ISY1: variants seen among roughly 807,000 people sequenced by gnomAD.
The protein encoded by ISY1 is pre-mRNA-splicing factor ISY1 homolog.
ISY1 carries 12 observed loss-of-function variants against 54.4 expected under a neutral mutation model. The ratio of observed to expected loss-of-function variants is 0.22; its 90% CI spans 0.14 to 0.36. ISY1 has a LOEUF of 0.36. Among genes scored for constraint, ISY1 ranks in the 10% least tolerant of loss-of-function variants. ISY1 has a pLI of 1.00. For missense variants in ISY1, 282 were observed against 342.2 expected, an observed-to-expected ratio of 0.82 and a Z score of 1.39; for synonymous variants, 96 against 117.9, an observed-to-expected ratio of 0.81 and a Z score of 1.20.
chr3:129,156,992 G>C (rs772099368), intron 3 of ISY1, 72 bp from the exon 4 acceptor site: 2 of 1,557,724 alleles, frequency 1.3e-6, no homozygotes, highest in East Asian at 4.5e-5. Context: ...AACTGATTCA[G>C]GCCTTAAGCC....
chr3:129,146,553 G>C (rs2107611517), intron 5 of ISY1, among the ~76,000 whole-genome samples: 1 of 152,248 alleles, frequency 6.6e-6, no homozygotes, highest in South Asian at 2.1e-4. Flanking sequence ...GATGACAACA[G>C]CAAGTCCAGA....
intron 1 of ISY1, among the ~76,000 whole-genome samples, chr3:129,159,842 A>G (rs2107623071): frequency 6.6e-6 from 1 of 152,300 alleles, no homozygotes; most frequent in African/African-American, 2.4e-5. Flanking sequence ...AGCTGTCACG[A>G]TATCTTCATG....
chr3:129,152,232 G>A (rs992758716), intron 5 of ISY1, among the ~76,000 whole-genome samples: 4 of 151,990 alleles, frequency 2.6e-5, no homozygotes, highest in Admixed American at 1.3e-4. Flanking sequence ...TTCTTATCAT[G>A]AATAAACGTC....
At chr3:129,154,594 G>T (rs1937078813) in intron 5 of ISY1, among the ~76,000 whole-genome samples, 2 of 151,750 alleles carry the variant, frequency 1.3e-5, no homozygotes, top group South Asian at 4.1e-4. Context: ...AATGTATATA[G>T]ATTCTATAGT....
At chr3:129,158,594 G>A (rs1937214327) in intron 2 of ISY1, 35 bp from the exon 3 acceptor site, 1 of 1,613,548 alleles carries the variant, frequency 6.2e-7, no homozygotes, top group African/African-American at 1.3e-5. Context: ...GACTCCATTA[G>A]ATCCTGCTCA....
chr3:129,133,465 G>A (rs546332073), intron 9 of ISY1, among the ~76,000 whole-genome samples: 9 of 152,302 alleles, frequency 5.9e-5, no homozygotes, highest in Admixed American at 5.2e-4. Flanking sequence ...GGAGGCCAAG[G>A]CAGGTGGATC....
intron 4 of ISY1, 81 bp downstream of exon 4, chr3:129,156,774 T>A (rs1284714419): frequency 2.6e-6 from 4 of 1,563,522 alleles, no homozygotes; most frequent in Non-Finnish European, 3.5e-6. Flanking sequence ...ACTTAGACTT[T>A]TGGTCTAACA....
chr3:129,130,573 C>T lies in ISY1; in HGVS notation c.727G>A (p.Val243Ile), dbSNP rs1936210144. ...ACCTCTTGCTGCGAGGGAACAGGGA[C>T]GTGAGCAATGAACTTCTGCTGGCTG... The part of the protein sequence containing the change: ...DDSQQKFIAH[V>I]PVPSQQEIEE... Residue 243 changes from valine (V) to isoleucine (I), a missense_variant, in exon 10 of 11, where the codon GTC (valine) becomes ATC (isoleucine). Val to Ile is a conservative substitution (Grantham distance 29). Coordinates refer to ENST00000393295, the MANE Select transcript of ISY1 (RefSeq NM_020701.4). The T allele has an allele frequency of 1.9e-6, 3 of 1,614,014 alleles. No homozygotes were observed. Among genetic ancestry groups the T allele is most frequent in the Non-Finnish European group, 2.5e-6 (3 of 1,180,014 alleles).
Position 129,156,568 on chromosome 3 carries a change from T to C in ISY1, c.187+65A>G, listed in dbSNP as rs956786286. On this transcript the variant is annotated intron_variant, in intron 5 of 10. Coordinates refer to ENST00000393295, the MANE Select transcript of ISY1 (RefSeq NM_020701.4). ...TCTATTGATTATTTTGAAAGGAGTA[T>C]TGAAGTCCTCAAGTCTAATTGTGGA... is the stretch of plus-strand genomic sequence containing the variant. The C allele has an allele frequency of 5.0e-5, 76 of 1,525,788 alleles. 1 individual carries two copies. Among genetic ancestry groups the C allele is most frequent in the South Asian group, 2.8e-4 (24 of 84,960 alleles). The allele number at this position is 1,525,788 out of a possible 1,614,324, so 94.5% of individuals were successfully genotyped here.
intron 1 of ISY1, among the ~76,000 whole-genome samples, chr3:129,160,413 C>T (rs1038275052): frequency 6.6e-6 from 1 of 151,874 alleles, no homozygotes; most frequent in South Asian, 2.1e-4. Flanking sequence ...CAACAAATGA[C>T]GCCAGACCAC....
At position 129,136,650 on chromosome 3, in the gene ISY1, C is replaced by T. The variant is rs565714278; in HGVS notation, c.419-1696G>A. On this transcript the variant is annotated intron_variant, in intron 7 of 10. Transcript: ENST00000393295. Reference sequence around the variant, plus strand: ...TCCTGAGTAGCTGGAATTACAGGCACGCACCACCACGCCCGGCTAATTTTG... The same window carrying T: ...TCCTGAGTAGCTGGAATTACAGGCATGCACCACCACGCCCGGCTAATTTTG... Among the ~76,000 whole-genome samples, 60 of 151,108 alleles carry T rather than the reference C, an allele frequency of 4.0e-4. 1 individual carries two copies. Among genetic ancestry groups the T allele is most frequent in the Middle Eastern group, 3.4e-3 (1 of 294 alleles).
chr3:129,129,432 G>A lies in ISY1; in HGVS notation c.*649C>T, dbSNP rs1936179018. Reference sequence around the variant, plus strand: ...CTCTGTCGCCAGGCTGGAGTGCAATGGCACGATCTTGGCTCACTTCAACCT... The same window carrying A: ...CTCTGTCGCCAGGCTGGAGTGCAATAGCACGATCTTGGCTCACTTCAACCT... On this transcript the variant is annotated 3_prime_UTR_variant, in exon 11 of 11. Coordinates refer to ENST00000393295, the MANE Select transcript of ISY1 (RefSeq NM_020701.4). 1 of 150,044 alleles carries A rather than the reference G, an allele frequency of 6.7e-6. No individual in the cohort carries two copies. Among genetic ancestry groups the A allele is most frequent in the South Asian group, 2.1e-4 (1 of 4,742 alleles). 9.3% of individuals were successfully genotyped at this position (150,044 alleles called of 1,614,324 possible). A position where few individuals can be genotyped will look rare whatever the true frequency, so the allele number is the denominator to read the frequency against.
At chr3:129,131,002 T>C (rs1026092033) in intron 9 of ISY1, among the ~76,000 whole-genome samples, 1 of 152,254 alleles carries the variant, frequency 6.6e-6, no homozygotes, top group Admixed American at 6.5e-5. Flanking sequence ...GAATGTACCA[T>C]GCATAGAAAA....
intron 8 of ISY1, 55 bp downstream of exon 8, chr3:129,134,777 G>C: frequency 3.2e-6 from 5 of 1,546,446 alleles, no homozygotes; most frequent in Non-Finnish European, 4.4e-6. Context: ...GTTTTCAAAG[G>C]ACACAACAGA....
At position 129,142,783 on chromosome 3, in the gene ISY1, G is replaced by A. The variant is rs542814720; in HGVS notation, c.301-2298C>T. On this transcript the variant is annotated intron_variant, in intron 6 of 10. Transcript: ENST00000393295. Reference sequence around the variant, plus strand: ...AAATTAGCTGGGCATGGCCAGGCACGGTAGCTCACACCTATAATCCCAGCA... The same window carrying A: ...AAATTAGCTGGGCATGGCCAGGCACAGTAGCTCACACCTATAATCCCAGCA... Among the ~76,000 whole-genome samples the A allele has an allele frequency of 6.8e-4, 104 of 152,162 alleles. 1 individual carries two copies. The highest frequency in any genetic ancestry group is 2.3e-3 in the African/African-American group (96 of 41,528).
chr3:129,156,818 G>C, intron 4 of ISY1, 37 bp downstream of exon 4: 12 of 1,601,844 alleles, frequency 7.5e-6, no homozygotes, highest in Non-Finnish European at 1.0e-5. Context: ...TGAGAGACTT[G>C]TTACTTCTAC....
intron 5 of ISY1, among the ~76,000 whole-genome samples, chr3:129,146,364 T>C (rs1936765734): frequency 1.3e-5 from 2 of 152,170 alleles, no homozygotes; most frequent in Admixed American, 6.5e-5. Flanking sequence ...CCTAAGGGAT[T>C]AATTGAAAGG....
intron 8 of ISY1, 35 bp from the exon 9 acceptor site, chr3:129,134,230 T>C (rs772706716): frequency 3.7e-6 from 6 of 1,613,592 alleles, no homozygotes; most frequent in Non-Finnish European, 5.1e-6. Context: ...TATTTATTTG[T>C]CTCTAAATGA....
chr3:129,158,473 A>G, intron 3 of ISY1, 35 bp downstream of exon 3: 2 of 1,612,128 alleles, frequency 1.2e-6, no homozygotes, highest in Non-Finnish European at 1.7e-6. Flanking sequence ...TTTATTCTTG[A>G]TACTTTACAA....
Sources: gnomAD v4.1 joint callset for allele counts (sites outside exome capture counted in the v4.1 genomes callset) on GRCh38, gnomAD v4.1.1 for gene constraint, MANE v1.5 for transcripts, NCBI Gene and HGNC (gene_info 2026-07-23, HGNC 2026-07-21) for gene names.